Variants in PTPRM observed in about 807,000 individuals in gnomAD.
PTPRM encodes receptor-type tyrosine-protein phosphatase mu.
In PTPRM, 47 loss-of-function variants were observed where a neutral mutation model predicts 186.7. That is an observed-to-expected ratio of 0.25 (90% CI 0.20 to 0.32). PTPRM has a LOEUF of 0.32. Among genes scored for constraint, PTPRM ranks in the 10% least tolerant of loss-of-function variants. The pLI, the probability that PTPRM is intolerant of heterozygous loss-of-function variation, is 1.00. For synonymous variants in PTPRM, 668 were observed against 674.9 expected, an observed-to-expected ratio of 0.99 and a Z score of 0.16; for missense variants, 1,494 against 1,865.0, an observed-to-expected ratio of 0.80 and a Z score of 3.66.
chr18:8,090,929 A>G (rs189124617), intron 11 of PTPRM, among the ~76,000 whole-genome samples: 1 of 152,246 alleles, frequency 6.6e-6, no homozygotes, highest in Admixed American at 6.5e-5. Context: ...TCTTTGCGCA[A>G]TATACCTGCA....
intron 22 of PTPRM, among the ~76,000 whole-genome samples, chr18:8,322,002 C>T (rs1408909916): frequency 1.3e-5 from 2 of 152,072 alleles, no homozygotes; most frequent in South Asian, 2.1e-4. Context: ...ACAAACAAAA[C>T]ATTAATACCT....
intron 29 of PTPRM, among the ~76,000 whole-genome samples, chr18:8,381,810 T>C (rs139802214): frequency 7.2e-4 from 110 of 152,360 alleles, no homozygotes; most frequent in Non-Finnish European, 1.2e-3. Flanking sequence ...CAGACACTTA[T>C]AGAATAAGGG....
intron 13 of PTPRM, among the ~76,000 whole-genome samples, chr18:8,134,292 G>A (rs1255068680): frequency 6.6e-6 from 1 of 152,104 alleles, no homozygotes; most frequent in Admixed American, 6.5e-5. Flanking sequence ...AATGCTTCTT[G>A]TGTCTTTTAC....
Position 8,340,768 on chromosome 18 carries a change from T to C in PTPRM, c.2957-2655T>C, listed in dbSNP as rs905751107. Among the ~76,000 whole-genome samples, 13 of 152,316 alleles carry C rather than the reference T, an allele frequency of 8.5e-5. No individual in the cohort carries two copies. The South Asian group carries it at 1.2e-3, about 15-fold the overall frequency. On this transcript the variant is annotated intron_variant, in intron 22 of 32. Transcript: ENST00000580170. ...TGGTTATACTGGAAGACGAAGCCGA[T>C]GTCCTTGATGCTATAGATCAGGAGA...
chr18:8,332,737 T>G (rs953806132), intron 22 of PTPRM, among the ~76,000 whole-genome samples: 2 of 152,216 alleles, frequency 1.3e-5, no homozygotes, highest in African/African-American at 2.4e-5. Context: ...GAAAAGACTC[T>G]TGTCACAGGA....
intron 13 of PTPRM, among the ~76,000 whole-genome samples, chr18:8,121,386 ATT>A (rs553953732): frequency 6.6e-6 from 1 of 151,938 alleles, no homozygotes; most frequent in Non-Finnish European, 1.5e-5. Flanking sequence ...ATTTTCCAAT[ATT>A]TTTTTGCATC....
intron 2 of PTPRM, among the ~76,000 whole-genome samples, chr18:7,787,154 C>G (rs778273812): frequency 6.6e-6 from 1 of 152,178 alleles, no homozygotes; most frequent in Non-Finnish European, 1.5e-5. Flanking sequence ...TTTCTCCACA[C>G]TTGATATTTC....
At chr18:7,694,080 G>C (rs145799989) in intron 1 of PTPRM, among the ~76,000 whole-genome samples, 7 of 152,182 alleles carry the variant, frequency 4.6e-5, no homozygotes, top group Non-Finnish European at 1.0e-4. Flanking sequence ...GATCAAGTGT[G>C]ACACAAGCAA....
chr18:8,027,783 A>G (rs2085662651), intron 7 of PTPRM, among the ~76,000 whole-genome samples: 1 of 152,250 alleles, frequency 6.6e-6, no homozygotes, highest in South Asian at 2.1e-4. Flanking sequence ...GATTGACTAG[A>G]TACAAAGACA....
intron 2 of PTPRM, among the ~76,000 whole-genome samples, chr18:7,867,992 A>G (rs369656785): frequency 6.6e-6 from 1 of 152,028 alleles, no homozygotes; most frequent in African/African-American, 2.4e-5. Context: ...TGATTTGGCT[A>G]TTGATACTTG....
intron 3 of PTPRM, among the ~76,000 whole-genome samples, chr18:7,903,977 C>T (rs544890379): frequency 3.9e-5 from 6 of 152,114 alleles, no homozygotes; most frequent in Non-Finnish European, 4.4e-5. Flanking sequence ...ACGATAGACT[C>T]GTTGCATTTA....
intron 1 of PTPRM, among the ~76,000 whole-genome samples, chr18:7,622,206 A>T (rs1355426383): frequency 6.6e-6 from 1 of 152,234 alleles, no homozygotes; most frequent in Non-Finnish European, 1.5e-5. Context: ...TATAAATAAT[A>T]ACATGGCCTG....
chr18:7,655,299 G>A (rs1018245003), intron 1 of PTPRM, among the ~76,000 whole-genome samples: 1 of 152,018 alleles, frequency 6.6e-6, no homozygotes, highest in African/African-American at 2.4e-5. Flanking sequence ...TTAAGTGATG[G>A]TCCTCCTGCC....
intron 19 of PTPRM, among the ~76,000 whole-genome samples, chr18:8,270,838 T>A (rs566727105): frequency 3.7e-4 from 57 of 152,156 alleles, no homozygotes; most frequent in African/African-American, 1.3e-3. Context: ...TGCCAGGGGA[T>A]GGGGGTTAGA....
intron 2 of PTPRM, among the ~76,000 whole-genome samples, chr18:7,861,201 T>C (rs1434153066): frequency 1.3e-5 from 2 of 152,202 alleles, no homozygotes; most frequent in Non-Finnish European, 2.9e-5. Context: ...TGGCTGAATG[T>C]ATGATGTTTC....
intron 7 of PTPRM, among the ~76,000 whole-genome samples, chr18:8,037,661 A>AT (rs538688037): frequency 4.6e-5 from 7 of 151,712 alleles, no homozygotes; most frequent in Admixed American, 1.3e-4. Flanking sequence ...TCCTCTGATT[A>AT]TTTTTTTTTC....
chr18:8,097,902 A>G (rs1300673401), intron 11 of PTPRM, among the ~76,000 whole-genome samples: 3 of 152,230 alleles, frequency 2.0e-5, no homozygotes, highest in South Asian at 2.1e-4. Context: ...GCATAAGGAC[A>G]TTTCATTCAA....
At chr18:7,663,886 C>G (rs1205494346) in intron 1 of PTPRM, among the ~76,000 whole-genome samples, 1 of 152,156 alleles carries the variant, frequency 6.6e-6, no homozygotes, top group Non-Finnish European at 1.5e-5. Flanking sequence ...TGCCAGGTCC[C>G]TCTGCCCCCC....
intron 1 of PTPRM, among the ~76,000 whole-genome samples, chr18:7,577,014 A>C (rs1404531672): frequency 6.6e-6 from 1 of 152,208 alleles, no homozygotes; most frequent in Non-Finnish European, 1.5e-5. Flanking sequence ...TTGTTGAATG[A>C]ATGAAGAAAC....
Sources: gnomAD v4.1 joint callset for allele counts (sites outside exome capture counted in the v4.1 genomes callset) on GRCh38, gnomAD v4.1.1 for gene constraint, MANE v1.5 for transcripts, NCBI Gene and HGNC (gene_info 2026-07-23, HGNC 2026-07-21) for gene names.